The following GOLGA1 variants were observed in gnomAD, a reference collection of about 807,000 sequenced individuals.
The protein encoded by GOLGA1 is golgin subfamily A member 1.
A neutral mutation model predicts 119.7 loss-of-function variants in GOLGA1; 63 were observed. That is an observed-to-expected ratio of 0.53 (90% CI 0.43 to 0.65). The LOEUF (loss-of-function observed/expected upper bound fraction) is 0.65, where lower values mean the gene tolerates loss of function less well. Ranked by LOEUF, GOLGA1 falls within the 30% of genes least tolerant of loss-of-function variation. GOLGA1 has a pLI of 0.00. For missense variants in GOLGA1, 798 were observed against 912.8 expected (o/e 0.87, Z 1.62); for synonymous variants, 318 against 333.4 (o/e 0.95, Z 0.50).
At chr9:124,923,317 C>T in intron 7 of GOLGA1, 94 bp from the exon 8 acceptor site, 2 of 1,079,164 alleles carry the variant, frequency 1.9e-6, no homozygotes, top group Non-Finnish European at 2.7e-6. Flanking sequence ...AAATTTTTGT[C>T]TTTAGAGACA....
chr9:124,923,033 T>A, intron 8 of GOLGA1, 62 bp downstream of exon 8: 1 of 1,087,776 alleles, frequency 9.2e-7, no homozygotes, highest in Middle Eastern at 2.0e-4. Flanking sequence ...GAGTGATGAC[T>A]AGTAAAATCA....
intron 7 of GOLGA1, among the ~76,000 whole-genome samples, chr9:124,924,644 A>AC (rs1554771089): frequency 6.6e-6 from 1 of 151,306 alleles, no homozygotes; most frequent in Non-Finnish European, 1.5e-5. Context: ...CTCAAAAAAA[A>AC]AAAAAAAGAA....
chr9:124,925,362 T>C (rs1434316404), intron 7 of GOLGA1, among the ~76,000 whole-genome samples: 2 of 139,170 alleles, frequency 1.4e-5, no homozygotes, highest in African/African-American at 5.6e-5. Flanking sequence ...GTTGAGGATT[T>C]TTTTTTTTTT....
intron 17 of GOLGA1, 41 bp downstream of exon 17, chr9:124,889,393 C>T: frequency 6.3e-7 from 1 of 1,594,186 alleles, no homozygotes; most frequent in Non-Finnish European, 8.6e-7. Flanking sequence ...GATGCTGGGC[C>T]TGAAAAGGAG....
At chr9:124,906,384 T>G (rs1032475033) in intron 12 of GOLGA1, among the ~76,000 whole-genome samples, 1 of 151,704 alleles carries the variant, frequency 6.6e-6, no homozygotes, top group Non-Finnish European at 1.5e-5. Context: ...TGAGCCAAGA[T>G]AGTGCCACTG....
chr9:124,884,364 C>A (rs1829666367), intron 19 of GOLGA1, among the ~76,000 whole-genome samples: 1 of 152,214 alleles, frequency 6.6e-6, no homozygotes, highest in Admixed American at 6.5e-5. Flanking sequence ...AAAATGCATT[C>A]TTCCATGTAC....
intron 15 of GOLGA1, among the ~76,000 whole-genome samples, chr9:124,897,034 C>A (rs910661298): frequency 1.3e-5 from 2 of 152,210 alleles, no homozygotes; most frequent in African/African-American, 4.8e-5. Flanking sequence ...TGCAGCCACA[C>A]TGGCCTCTGT....
At chr9:124,894,296 T>C (rs1259625943) in intron 15 of GOLGA1, among the ~76,000 whole-genome samples, 1 of 152,236 alleles carries the variant, frequency 6.6e-6, no homozygotes, top group African/African-American at 2.4e-5. Flanking sequence ...TTTTGGCCTC[T>C]TTTCTATCTG....
intron 7 of GOLGA1, among the ~76,000 whole-genome samples, chr9:124,925,359 ATTTTT>A: frequency 7.0e-6 from 1 of 141,976 alleles, no homozygotes; most frequent in South Asian, 2.2e-4. Context: ...ATGGTTGAGG[ATTTTT>A]TTTTTTTTTT....
intron 15 of GOLGA1, among the ~76,000 whole-genome samples, chr9:124,893,996 C>T (rs901054948): frequency 6.6e-6 from 1 of 152,200 alleles, no homozygotes; most frequent in Admixed American, 6.5e-5. Context: ...AACCTGCTCT[C>T]GTCAACCATA....
chr9:124,927,546 T>C (rs1830697993), intron 6 of GOLGA1, among the ~76,000 whole-genome samples: 1 of 152,308 alleles, frequency 6.6e-6, no homozygotes, highest in East Asian at 1.9e-4. Context: ...ATAAACTCTG[T>C]CTTAATAAAT....
chr9:124,881,641 G>T lies in GOLGA1; in HGVS notation c.2136+143C>A. 1 of 683,496 alleles carries T rather than the reference G, an allele frequency of 1.5e-6. No homozygotes were observed. Among genetic ancestry groups the T allele is most frequent in the Non-Finnish European group, 2.6e-6 (1 of 389,934 alleles). The allele number at this position is 683,496 out of a possible 1,614,324, so 42.3% of individuals were successfully genotyped here. On this transcript the variant is annotated intron_variant, in intron 21 of 22. Transcript: ENST00000373555. The surrounding 1 kb of genome is among the most constrained non-coding windows in gnomAD (Gnocchi z 4.9). The stretch of plus-strand genomic sequence containing the variant: ...CCGCTCACTCCGCAGGCCAACGCCA[G>T]CAGGAGAAATGACTGGGTGACCACA...
At chr9:124,924,949 G>T (rs909168921) in intron 7 of GOLGA1, among the ~76,000 whole-genome samples, 2 of 151,740 alleles carry the variant, frequency 1.3e-5, no homozygotes, top group African/African-American at 4.8e-5. Flanking sequence ...GTGTGGTGGC[G>T]GGTGCCTGTA....
intron 16 of GOLGA1, 119 bp from the exon 17 acceptor site, chr9:124,889,655 C>T (rs1215339537): frequency 2.7e-6 from 2 of 748,620 alleles, no homozygotes; most frequent in Non-Finnish European, 4.9e-6. Flanking sequence ...AGTCCACGAC[C>T]CAGAGCAAAC....
At position 124,946,551 on chromosome 9, in the gene GOLGA1, G is replaced by C. The variant is rs10986488; in HGVS notation, c.-156+1367C>G. ...TAATTTCTGCAGTGAATGTATTTAA[G>C]TGTATATTAAACATCTCCTACACTC... On this transcript the variant is annotated intron_variant, in intron 1 of 4. Transcript: ENST00000421514. The surrounding 1 kb of genome is among the most constrained non-coding windows in gnomAD (Gnocchi z 4.0). 2 of 152,142 alleles carry C rather than the reference G, an allele frequency of 1.3e-5. No individual in the cohort carries two copies. The highest frequency in any genetic ancestry group is 2.9e-5 in the Non-Finnish European group (2 of 67,980). The allele number at this position is 152,142 out of a possible 1,614,324, so 9.4% of individuals were successfully genotyped here.
intron 12 of GOLGA1, 77 bp downstream of exon 12, chr9:124,908,299 AG>A (rs1830271546): frequency 1.3e-6 from 1 of 796,536 alleles, no homozygotes; most frequent in African/African-American, 1.7e-5. Context: ...CTGACCAAGA[AG>A]ATTCTCAGTC....
At chr9:124,947,059 T>G (rs1444666141) in intron 1 of GOLGA1, 2 of 152,116 alleles carry the variant, frequency 1.3e-5, no homozygotes, top group African/African-American at 4.8e-5. Context: ...TAGAGACACA[T>G]AAAACACTGA....
chr9:124,899,712 C>T (rs1228768500), intron 13 of GOLGA1, among the ~76,000 whole-genome samples: 1 of 152,226 alleles, frequency 6.6e-6, no homozygotes, highest in African/African-American at 2.4e-5. Flanking sequence ...TGTGTGGGGA[C>T]AGCTCTGGGC....
At chr9:124,911,212 G>C (rs373644835) in intron 11 of GOLGA1, among the ~76,000 whole-genome samples, 6 of 152,170 alleles carry the variant, frequency 3.9e-5, no homozygotes, top group Admixed American at 6.5e-5. Context: ...AGGCCAATCT[G>C]GAGACTTCTA....
Sources: allele counts gnomAD v4.1 joint callset (sites outside exome capture counted in the v4.1 genomes callset), GRCh38; gene constraint gnomAD v4.1.1; non-coding constraint Gnocchi (gnomAD v3.1); transcripts MANE v1.5; gene names NCBI Gene and HGNC (gene_info 2026-07-23, HGNC 2026-07-21).